MORN3: variants seen among roughly 807,000 people sequenced by gnomAD.
MORN3 encodes MORN repeat-containing protein 3.
Under a neutral mutation model 34.7 loss-of-function variants are expected in MORN3, and 38 were observed. The ratio of observed to expected loss-of-function variants is 1.10; its 90% CI spans 0.85 to 1.44. MORN3 has a LOEUF of 1.44. Among genes scored for constraint, MORN3 ranks in the 40% most tolerant of loss-of-function variants. MORN3 has a pLI of 0.00. For missense variants in MORN3, 311 were observed against 321.7 expected (o/e 0.97, Z 0.25); for synonymous variants, 109 against 115.3 (o/e 0.95, Z 0.35).
chr12:121,662,492 G>A (rs1473446113), intron 1 of MORN3, among the ~76,000 whole-genome samples: 3 of 151,886 alleles, frequency 2.0e-5, no homozygotes, highest in East Asian at 1.9e-4. Context: ...GCGGTGGCTC[G>A]TGTCTGTAAT....
Position 121,649,693 on chromosome 12 carries a change from G to A in MORN3, c.*1958C>T, listed in dbSNP as rs1223383541. On this transcript the variant is annotated 3_prime_UTR_variant, in exon 6 of 6. Coordinates refer to ENST00000355329, the MANE Select transcript of MORN3 (RefSeq NM_173855.5). ...TCTTAGCTAGAATCGTGGTATTTCA[G>A]GGTTTCTCAACATTTTTTTTTTTTT... 1 of 151,268 alleles carries A rather than the reference G, an allele frequency of 6.6e-6. No individual in the cohort carries two copies. Among genetic ancestry groups the A allele is most frequent in the Admixed American group, 6.6e-5 (1 of 15,108 alleles). 9.4% of individuals were successfully genotyped at this position (151,268 alleles called of 1,614,324 possible). A position where few individuals can be genotyped will look rare whatever the true frequency, so the allele number is the denominator to read the frequency against.
At chr12:121,662,740 G>C (rs147186453) in intron 1 of MORN3, among the ~76,000 whole-genome samples, 20 of 144,364 alleles carry the variant, frequency 1.4e-4, no homozygotes, top group Middle Eastern at 3.4e-3. Context: ...GCAAGAGTGA[G>C]ACTGAAAAAA....
At chr12:121,653,031 CTCTG>C (rs1295943898) in intron 4 of MORN3, 40 bp downstream of exon 4, 26 of 1,550,866 alleles carry the variant, frequency 1.7e-5, no homozygotes, top group East Asian at 2.4e-5. Context: ...TGGCTTCTGT[CTCTG>C]TCTGGGTGTG....
intron 1 of MORN3, among the ~76,000 whole-genome samples, chr12:121,668,673 C>T (rs1893851452): frequency 6.6e-6 from 1 of 152,124 alleles, no homozygotes; most frequent in Non-Finnish European, 1.5e-5. Context: ...ATGAAGGCAC[C>T]ACTGCACTCC....
intron 2 of MORN3, among the ~76,000 whole-genome samples, chr12:121,658,562 T>G (rs1893480746): frequency 1.0e-5 from 1 of 100,256 alleles, no homozygotes; most frequent in Non-Finnish European, 1.9e-5. Flanking sequence ...TGAGACTCCC[T>G]CTCAAAAAAA....
At chr12:121,666,785 C>G (rs1170137495) in intron 1 of MORN3, among the ~76,000 whole-genome samples, 2 of 151,926 alleles carry the variant, frequency 1.3e-5, no homozygotes, top group Non-Finnish European at 2.9e-5. Flanking sequence ...CTGCCCCCAC[C>G]TCATTCACAA....
chr12:121,667,138 T>A lies in MORN3; in HGVS notation c.145+2201A>T, dbSNP rs142526245. Among the ~76,000 whole-genome samples, 1,311 of 151,872 alleles carry A rather than the reference T, an allele frequency of 8.6e-3. 16 individuals are homozygous for A. Among genetic ancestry groups the A allele is most frequent in the African/African-American group, 0.03 (1,241 of 41,412 alleles). The stretch of plus-strand genomic sequence containing the variant: ...ATCATGTCTGGTCTAATTTTTGTAT[T>A]TTTAGTAGAGACGGAGTTTCACCAT... On this transcript the variant is annotated intron_variant, in intron 1 of 5. Coordinates refer to ENST00000355329, the MANE Select transcript of MORN3 (RefSeq NM_173855.5).
intron 1 of MORN3, among the ~76,000 whole-genome samples, chr12:121,664,553 G>C (rs915820417): frequency 7.2e-5 from 11 of 152,328 alleles, no homozygotes; most frequent in African/African-American, 2.6e-4. Flanking sequence ...GAGGTCGGGA[G>C]TTCGAGACCA....
intron 1 of MORN3, 51 bp downstream of exon 1, chr12:121,669,288 C>G: frequency 6.2e-7 from 1 of 1,605,088 alleles, no homozygotes; most frequent in Non-Finnish European, 8.5e-7. Context: ...GCCCTGTTGC[C>G]CACTGTGGCT....
intron 2 of MORN3, among the ~76,000 whole-genome samples, chr12:121,656,054 G>C (rs1401691154): frequency 6.6e-6 from 1 of 152,062 alleles, no homozygotes; most frequent in African/African-American, 2.4e-5. Flanking sequence ...ACCACACTTA[G>C]TGTCCAACCA....
chr12:121,657,244 G>C (rs1463839641), intron 2 of MORN3, among the ~76,000 whole-genome samples: 1 of 152,146 alleles, frequency 6.6e-6, no homozygotes, highest in Non-Finnish European at 1.5e-5. Flanking sequence ...ATTAACATTA[G>C]CTACAAGATT....
upstream of MORN3, chr12:121,672,562 G>C (rs575255261): frequency 6.6e-6 from 1 of 152,382 alleles, no homozygotes; most frequent in African/African-American, 2.4e-5. Flanking sequence ...ACCTGCGCCC[G>C]GCTCACCTGC....
At chr12:121,665,285 T>TA (rs1893711459) in intron 1 of MORN3, among the ~76,000 whole-genome samples, 1 of 97,066 alleles carries the variant, frequency 1.0e-5, no homozygotes, top group Non-Finnish European at 2.0e-5. Context: ...TTCCTTTTTT[T>TA]TTTTTTTTTT....
intron 2 of MORN3, 82 bp from the exon 3 acceptor site, chr12:121,654,515 G>A: frequency 7.0e-7 from 1 of 1,424,362 alleles, no homozygotes; most frequent in Non-Finnish European, 9.5e-7. Flanking sequence ...CACCCCTAGA[G>A]CCACACACCC....
At position 121,649,179 on chromosome 12, in the gene MORN3, C is replaced by T. The variant is rs1893196529; in HGVS notation, c.*2472G>A. ...GGTCAGGCTGGTCTCGAACTCCTGACCTCTTGATCCGCCTGCCTCGGCCTC... is the reference window on the plus strand; with the variant it reads ...GGTCAGGCTGGTCTCGAACTCCTGATCTCTTGATCCGCCTGCCTCGGCCTC... On this transcript the variant is annotated 3_prime_UTR_variant, in exon 6 of 6. Coordinates refer to ENST00000355329, the MANE Select transcript of MORN3 (RefSeq NM_173855.5). 6.6e-6 allele frequency: 1 copy of T among 152,134 alleles called. No individual in the cohort carries two copies. 9.4% of individuals were successfully genotyped at this position (152,134 alleles called of 1,614,324 possible).
upstream of MORN3, among the ~76,000 whole-genome samples, chr12:121,672,311 T>C (rs1162481537): frequency 1.3e-5 from 2 of 149,956 alleles, no homozygotes; most frequent in African/African-American, 4.9e-5. Context: ...AAAAAAAAAA[T>C]TAGCTGGGCA....
At position 121,653,213 on chromosome 12, in the gene MORN3, GTTCT is replaced by G. The variant is rs1566478167; in HGVS notation, c.506_509del (p.Lys169ThrfsTer29). On this transcript the variant is annotated frameshift_variant, in exon 4 of 6. Transcript: ENST00000355329. LOFTEE classifies it high-confidence loss of function. ...CCAGATGGAAGAAACGCCCCGCCCC[GTTCT>G]TCATGCCTCTCTCCCAGCAGCCCTC... 30 of 1,614,020 alleles carry G rather than the reference GTTCT, an allele frequency of 1.9e-5. No homozygotes were observed. Among genetic ancestry groups the G allele is most frequent in the Non-Finnish European group, 2.4e-5 (28 of 1,180,034 alleles).
At chr12:121,654,465 G>GC (rs1279495366) in intron 2 of MORN3, 32 bp from the exon 3 acceptor site, 1 of 1,538,772 alleles carries the variant, frequency 6.5e-7, no homozygotes, top group Non-Finnish European at 8.8e-7. Flanking sequence ...TACTCAGGGC[G>GC]CCCCCCAACA....
chr12:121,652,958 G>T, intron 4 of MORN3, 117 bp downstream of exon 4: 2 of 1,433,894 alleles, frequency 1.4e-6, no homozygotes, highest in Non-Finnish European at 1.9e-6. Flanking sequence ...ACAAAACCTT[G>T]TCTGTTCCCT....
Sources: allele counts gnomAD v4.1 joint callset (sites outside exome capture counted in the v4.1 genomes callset), GRCh38; gene constraint gnomAD v4.1.1; transcripts MANE v1.5; gene names NCBI Gene and HGNC (gene_info 2026-07-23, HGNC 2026-07-21).